PCSK9: variants seen among roughly 807,000 people sequenced by gnomAD.
PCSK9 encodes proprotein convertase subtilisin/kexin type 9.
Under a neutral mutation model 62.1 loss-of-function variants are expected in PCSK9, and 57 were observed. The ratio of observed to expected loss-of-function variants is 0.92; its 90% CI spans 0.74 to 1.14. The LOEUF (loss-of-function observed/expected upper bound fraction) is 1.14, where lower values mean the gene tolerates loss of function less well. Among genes scored for constraint, PCSK9 ranks in the 50% most tolerant of loss-of-function variants. The pLI is 0.00. For missense variants in PCSK9, 870 were observed against 959.8 expected, an observed-to-expected ratio of 0.91 and a Z score of 1.24; for synonymous variants, 387 against 409.4, an observed-to-expected ratio of 0.95 and a Z score of 0.66.
Position 55,061,920 on chromosome 1 carries a change from T to C in PCSK9, c.1863+364T>C, listed in dbSNP as rs529816745. 7.2e-5 allele frequency among the ~76,000 whole-genome samples: 11 copies of C among 152,332 alleles called. No individual in the cohort carries two copies. In the South Asian group the frequency reaches 2.3e-3, roughly 32 times the overall value. On this transcript the variant is annotated intron_variant, in intron 11 of 11. Coordinates refer to ENST00000302118, the MANE Select transcript of PCSK9 (RefSeq NM_174936.4). ...CCAGGCTGGTCTCAAATTCCTGGGCTCAAGCAATCCTCTGGTCTCAGCCTC... is the reference window on the plus strand; with the variant it reads ...CCAGGCTGGTCTCAAATTCCTGGGCCCAAGCAATCCTCTGGTCTCAGCCTC...
At chr1:55,052,934 C>T in intron 5 of PCSK9, 143 bp downstream of exon 5, 1 of 1,417,966 alleles carries the variant, frequency 7.1e-7, no homozygotes, top group Non-Finnish European at 9.7e-7. Context: ...ACCAGAGTGC[C>T]AAGGCTGGCA....
intron 11 of PCSK9, among the ~76,000 whole-genome samples, chr1:55,062,428 G>T (rs563968359): frequency 3.3e-5 from 5 of 152,208 alleles, no homozygotes; most frequent in Non-Finnish European, 7.3e-5. Context: ...CTGGCACTGG[G>T]GAGGGATACA....
In PCSK9 at chr1:55,063,528, G is replaced by A. The variant is rs760981278; in HGVS notation, c.2023G>A (p.Val675Ile). 7.4e-6 allele frequency: 12 copies of A among 1,613,442 alleles called. No individual in the cohort carries two copies. Among genetic ancestry groups the A allele is most frequent in the Admixed American group, 1.7e-5 (1 of 59,992 alleles). The change falls in exon 12 of 12, where the codon GTT (valine) becomes ATT (isoleucine). Residue 675 changes from valine to isoleucine, a missense_variant. By Grantham distance (29) the Val-to-Ile change is conservative. Transcript: ENST00000302118. ...GSTSEGAVTA[V>I]AICCRSRHLA... ...CACCAGCGAAGGGGCCGTGACAGCC[G>A]TTGCCATCTGCTGCCGGAGCCGGCA...
At chr1:55,052,099 C>T (rs527567394) in intron 3 of PCSK9, 179 bp from the exon 4 acceptor site, 6 of 889,738 alleles carry the variant, frequency 6.7e-6, no homozygotes, top group East Asian at 5.2e-5. Flanking sequence ...CTTTCCTTGT[C>T]TATGAAATAC....
chr1:55,040,738 C>G lies in PCSK9; in HGVS notation c.207+694C>G, dbSNP rs1644592642. Among the ~76,000 whole-genome samples, 1 of 152,168 alleles carries G rather than the reference C, an allele frequency of 6.6e-6. No homozygotes were observed. Among genetic ancestry groups the G allele is most frequent in the South Asian group, 2.1e-4 (1 of 4,826 alleles). On this transcript the variant is annotated intron_variant, in intron 1 of 11. Coordinates refer to ENST00000302118, the MANE Select transcript of PCSK9 (RefSeq NM_174936.4). The surrounding 1 kb of genome is among the most constrained non-coding windows in gnomAD (Gnocchi z 4.1). ...CTTTAGGACTCAGGCAGGGAAGGGC[C>G]CTTGGTGCTCTGGAGCCGGAGGTGG...
intron 5 of PCSK9, 38 bp from the exon 6 acceptor site, chr1:55,055,955 G>A (rs1348911486): frequency 3.9e-6 from 6 of 1,553,908 alleles, no homozygotes; most frequent in Non-Finnish European, 5.3e-6. Flanking sequence ...AGGGGAGCAG[G>A]TCTCCCCAAG....
chr1:55,057,548 A>T, intron 7 of PCSK9, 34 bp downstream of exon 7: 1 of 1,582,350 alleles, frequency 6.3e-7, no homozygotes, highest in South Asian at 1.1e-5. Context: ...GGCCACCGTG[A>T]TGCTAACAGC....
At chr1:55,043,114 C>A (rs558653269) in intron 1 of PCSK9, among the ~76,000 whole-genome samples, 151 of 152,356 alleles carry the variant, frequency 9.9e-4, no homozygotes, top group African/African-American at 3.3e-3. Context: ...CTTGCAGAAT[C>A]ATGAGCTGAA....
At chr1:55,051,855 A>T (rs1030005285) in intron 3 of PCSK9, 1 of 291,578 alleles carries the variant, frequency 3.4e-6, no homozygotes, top group South Asian at 3.3e-5. Context: ...GTGGCCAGAC[A>T]TCACTGTTAT....
intron 1 of PCSK9, among the ~76,000 whole-genome samples, chr1:55,042,522 T>C (rs1644604612): frequency 6.6e-6 from 1 of 152,184 alleles, no homozygotes; most frequent in South Asian, 2.1e-4. Context: ...GTTTTGGCCC[T>C]AAGGCTTTGG....
At chr1:55,057,582 C>G in intron 7 of PCSK9, 68 bp downstream of exon 7, 5 of 1,523,016 alleles carry the variant, frequency 3.3e-6, no homozygotes, top group Admixed American at 1.9e-5. Context: ...AGGGTCTGTG[C>G]CGGGACCTCC....
In PCSK9 at chr1:55,063,454, T is replaced by G. The variant is rs748466083; in HGVS notation, c.1949T>G (p.Val650Gly). 1 of 1,614,098 alleles carries G rather than the reference T, an allele frequency of 6.2e-7. No individual in the cohort carries two copies. Among genetic ancestry groups the G allele is most frequent in the South Asian group, 1.1e-5 (1 of 91,086 alleles). Residue 650 changes from valine to glycine, a missense_variant, in exon 12 of 12, where the codon GTA becomes GGA. Physicochemically the swap from Val to Gly is moderately radical, Grantham distance 109. Transcript: ENST00000302118. ...TCCCACGTCCTGGGGGCCTACGCCGTAGACAACACGTGTGTAGTCAGGAGC... is the reference window on the plus strand; with the variant it reads ...TCCCACGTCCTGGGGGCCTACGCCGGAGACAACACGTGTGTAGTCAGGAGC... ...GTSHVLGAYA[V>G]DNTCVVRSRD...
At chr1:55,051,993 A>T in intron 3 of PCSK9, 2 of 497,354 alleles carry the variant, frequency 4.0e-6, no homozygotes, top group South Asian at 4.2e-5. Context: ...TTAGATATTG[A>T]TATTCATATG....
At position 55,055,993 on chromosome 1, in the gene PCSK9, G is replaced by A; in HGVS notation, c.800G>A (p.Gly267Asp). The A allele has an allele frequency of 6.2e-7, 1 of 1,608,634 alleles. No homozygotes were observed. Among genetic ancestry groups the A allele is most frequent in the Non-Finnish European group, 8.5e-7 (1 of 1,177,132 alleles). Residue 267 changes from glycine to aspartate, a missense_variant and splice_region_variant, in exon 6 of 12, where the codon GGC becomes GAC. Gly to Asp is a moderately conservative substitution (Grantham distance 94). Transcript: ENST00000302118. ...GKGTVSGTLIGLEFIRKSQLV... is the reference protein window; with the variant it reads ...GKGTVSGTLIDLEFIRKSQLV... ...GTGACCTTGGCTTTGTTCCTCCCAGGCCTGGAGTTTATTCGGAAAAGCCAG... is the reference window on the plus strand; with the variant it reads ...GTGACCTTGGCTTTGTTCCTCCCAGACCTGGAGTTTATTCGGAAAAGCCAG...
In PCSK9 at chr1:55,058,660, C is replaced by T. The variant is rs753546185; in HGVS notation, c.1503+13C>T. The T allele has an allele frequency of 1.1e-5, 18 of 1,596,718 alleles. No homozygotes were observed. The South Asian group carries it at 1.7e-4, about 15-fold the overall frequency. ...CGAGCGCATGGAGGTGACTGTACCCCTCCTTCGTGTGTGTGTGTGTGTGTG... is the reference window on the plus strand; with the variant it reads ...CGAGCGCATGGAGGTGACTGTACCCTTCCTTCGTGTGTGTGTGTGTGTGTG... On this transcript the variant is annotated intron_variant, in intron 9 of 11. Coordinates refer to ENST00000302118, the MANE Select transcript of PCSK9 (RefSeq NM_174936.4).
rs962100203 is a variant in PCSK9 at position 55,063,646 on chromosome 1, G to A, written c.*62G>A. 2.6e-6 allele frequency: 4 copies of A among 1,526,196 alleles called. No homozygotes were observed. The highest frequency in any genetic ancestry group is 3.5e-6 in the Non-Finnish European group (4 of 1,129,520). The allele number at this position is 1,526,196 out of a possible 1,614,324, so 94.5% of individuals were successfully genotyped here. ...AGGGCTGGGGCTGAGCTTTAAAATGGTTCCGACTTGTCCCTCTCTCAGCCC... is the reference window on the plus strand; with the variant it reads ...AGGGCTGGGGCTGAGCTTTAAAATGATTCCGACTTGTCCCTCTCTCAGCCC... On this transcript the variant is annotated 3_prime_UTR_variant, in exon 12 of 12. Coordinates refer to ENST00000302118, the MANE Select transcript of PCSK9 (RefSeq NM_174936.4).
At chr1:55,054,029 A>C (rs1462477719) in intron 5 of PCSK9, among the ~76,000 whole-genome samples, 2 of 152,200 alleles carry the variant, frequency 1.3e-5, no homozygotes, top group Admixed American at 6.5e-5. Context: ...CCTCCTCTGT[A>C]AGCAGGTGAT....
intron 5 of PCSK9, among the ~76,000 whole-genome samples, chr1:55,053,619 C>T (rs1330471245): frequency 1.3e-5 from 2 of 152,228 alleles, no homozygotes; most frequent in Non-Finnish European, 2.9e-5. Flanking sequence ...GCAGAGGCAG[C>T]CCACTAGCCT....
intron 6 of PCSK9, 114 bp from the exon 7 acceptor site, chr1:55,057,216 TG>T: frequency 7.5e-7 from 1 of 1,331,796 alleles, no homozygotes; most frequent in Non-Finnish European, 1.1e-6. Context: ...GACATTTGAG[TG>T]GGACCCAAAC....
Sources: gnomAD v4.1 joint callset for allele counts (sites outside exome capture counted in the v4.1 genomes callset) on GRCh38, gnomAD v4.1.1 for gene constraint, Gnocchi (gnomAD v3.1) non-coding constraint, MANE v1.5 for transcripts, NCBI Gene and HGNC (gene_info 2026-07-23, HGNC 2026-07-21) for gene names.